The following SETD4 variants were observed in gnomAD, a reference collection of about 807,000 sequenced individuals.
SETD4 encodes SET domain-containing protein 4.
A neutral mutation model predicts 58.3 loss-of-function variants in SETD4; 46 were observed. That is an observed-to-expected ratio of 0.79 (90% CI 0.62 to 1.01). SETD4 has a LOEUF of 1.01. SETD4 is among the 50% of genes least tolerant of loss of function. SETD4 has a pLI of 0.00. For synonymous variants in SETD4, 190 were observed against 202.6 expected (o/e 0.94, Z 0.53); for missense variants, 490 against 523.3 (o/e 0.94, Z 0.62).
chr21:36,054,805 T>C (rs2123751960), intron 3 of SETD4, among the ~76,000 whole-genome samples: 1 of 142,370 alleles, frequency 7.0e-6, no homozygotes, highest in African/African-American at 2.6e-5. Context: ...ATGGTGGGAA[T>C]TCCTGCCTCA....
rs1189758469 is a variant in SETD4 at position 36,057,210 on chromosome 21, A to G, written c.74-6T>C. ...AGACTTGTGGCTCTCATTCACTATC[A>G]GGCAAGGAGAGAACAAATGGTGATT... On this transcript the variant is annotated splice_region_variant and splice_polypyrimidine_tract_variant and intron_variant, in intron 2 of 11. Coordinates refer to ENST00000332131, the MANE Select transcript of SETD4 (RefSeq NM_017438.5). The G allele has an allele frequency of 6.2e-7, 1 of 1,606,208 alleles. No homozygotes were observed. Among genetic ancestry groups the G allele is most frequent in the African/African-American group, 1.3e-5 (1 of 74,784 alleles).
chr21:36,035,778 T>C lies in SETD4; in HGVS notation c.*215A>G, dbSNP rs1458311212. The C allele has an allele frequency of 3.4e-6, 1 of 295,112 alleles. No homozygotes were observed. The highest frequency in any genetic ancestry group is 6.4e-6 in the Non-Finnish European group (1 of 155,680). 18.3% of individuals were successfully genotyped at this position (295,112 alleles called of 1,614,324 possible). ...TCCTGGCTGCCTCACAGTCCGCCTC[T>C]CTCCTCACAGTTCAGCACTTTATTC... On this transcript the variant is annotated 3_prime_UTR_variant, in exon 12 of 12. Coordinates refer to ENST00000332131, the MANE Select transcript of SETD4 (RefSeq NM_017438.5).
chr21:36,040,461 C>G, intron 9 of SETD4, 114 bp downstream of exon 9: 1 of 792,568 alleles, frequency 1.3e-6, no homozygotes, highest in Non-Finnish European at 2.2e-6. Flanking sequence ...GTATGACATC[C>G]CTTTTTCCTC....
intron 2 of SETD4, among the ~76,000 whole-genome samples, chr21:36,058,574 C>T (rs1337322211): frequency 1.3e-5 from 2 of 151,894 alleles, no homozygotes; most frequent in South Asian, 2.1e-4. Context: ...TGTGTTAGGC[C>T]GAGCATGCTG....
In SETD4 at chr21:36,041,855, T is replaced by G. The variant is rs2064079146; in HGVS notation, c.935A>C (p.Lys312Thr). The G allele has an allele frequency of 1.3e-6, 2 of 1,485,394 alleles. No homozygotes were observed. The highest frequency in any genetic ancestry group is 2.4e-5 in the East Asian group (1 of 41,838). The allele number at this position is 1,485,394 out of a possible 1,614,324, so 92.0% of individuals were successfully genotyped here. ...ILVKYLPSTDKQMDKKISILK... is the reference protein window; with the variant it reads ...ILVKYLPSTDTQMDKKISILK... ...AATAGAAATCTTTTTGTCCATCTGT[T>G]TATCTGTTGATGGAAGATATTTAAC... The change falls in exon 8 of 12, where the codon AAA (lysine) becomes ACA (threonine). Residue 312 changes from lysine (K) to threonine (T), a missense_variant. Physicochemically the swap from Lys to Thr is moderately conservative, Grantham distance 78. Coordinates refer to ENST00000332131, the MANE Select transcript of SETD4 (RefSeq NM_017438.5).
intron 3 of SETD4, among the ~76,000 whole-genome samples, chr21:36,055,479 T>C (rs2064943507): frequency 6.6e-6 from 1 of 152,156 alleles, no homozygotes. Context: ...TGAAAGGAAA[T>C]GCTGCGGTCA....
intron 1 of SETD4, chr21:36,059,949 C>T (rs2065206595): frequency 5.1e-6 from 5 of 985,366 alleles, no homozygotes; most frequent in African/African-American, 1.7e-5. Flanking sequence ...GCGAGCTGTC[C>T]ACCATCACCC....
intron 5 of SETD4, 48 bp downstream of exon 5, chr21:36,048,260 C>G (rs2064450959): frequency 1.3e-6 from 2 of 1,503,806 alleles, no homozygotes; most frequent in Non-Finnish European, 9.3e-7. Flanking sequence ...ATTGACAGAC[C>G]TTAAGGAGAA....
At chr21:36,050,703 C>A in intron 4 of SETD4, 1 of 1,610,316 alleles carries the variant, frequency 6.2e-7, no homozygotes, top group South Asian at 1.1e-5. Flanking sequence ...TACGCGGGGT[C>A]ATAGAGGTAA....
chr21:36,038,268 C>T lies in SETD4; in HGVS notation c.1070G>A (p.Cys357Tyr). 6.2e-7 allele frequency: 1 copy of T among 1,610,296 alleles called. No homozygotes were observed. The highest frequency in any genetic ancestry group is 8.5e-7 in the Non-Finnish European group (1 of 1,179,086). Residue 357 changes from cysteine to tyrosine, a missense_variant, in exon 10 of 12, where the codon TGC becomes TAC. Transcript: ENST00000332131. ...LLCLEAEKFT[C>Y]WKKVLLGEVI... ...CTCCCCAAGAAGTACTTTTTTCCAG[C>T]ATGTACTAGAACCAAAATGTTCCAT...
In SETD4 at chr21:36,041,896, C is replaced by CA. The variant is rs11404455; in HGVS notation, c.902-9dup. 0.38 allele frequency: 439,364 copies of CA among 1,166,312 alleles called. 38,262 individuals carry two copies. The highest frequency in any genetic ancestry group is 0.42 in the Admixed American group (14,348 of 33,904). 72.2% of individuals were successfully genotyped at this position (1,166,312 alleles called of 1,614,324 possible). A position where few individuals can be genotyped will look rare whatever the true frequency, so the allele number is the denominator to read the frequency against. On this transcript the variant is annotated splice_polypyrimidine_tract_variant and intron_variant, in intron 7 of 11. Coordinates refer to ENST00000332131, the MANE Select transcript of SETD4 (RefSeq NM_017438.5). ...GATATTTAACAAGTATTTCTATATT[C>CA]AAAAAAAAAAATCAGACTGTTAGGG...
At chr21:36,059,619 C>T (rs559329774) in intron 1 of SETD4, 2 of 517,888 alleles carry the variant, frequency 3.9e-6, no homozygotes, top group Non-Finnish European at 5.0e-6. Flanking sequence ...TCTCAGGAGG[C>T]GGAAGCTGCA....
At chr21:36,043,474 G>A (rs2064162588) in intron 7 of SETD4, 9 of 1,106,586 alleles carry the variant, frequency 8.1e-6, no homozygotes, top group Admixed American at 9.5e-5. Context: ...CAGTGACAAC[G>A]TCTCAGTATA....
intron 3 of SETD4, among the ~76,000 whole-genome samples, chr21:36,056,446 T>C (rs1158749139): frequency 7.2e-5 from 11 of 152,204 alleles, no homozygotes; most frequent in Non-Finnish European, 1.0e-4. Context: ...GTCCTCCCTG[T>C]GGTTATCTCT....
intron 6 of SETD4, among the ~76,000 whole-genome samples, chr21:36,044,898 G>C (rs2064235672): frequency 6.6e-6 from 1 of 152,150 alleles, no homozygotes; most frequent in Admixed American, 6.5e-5. Flanking sequence ...TCCAAGCCAG[G>C]CCTCTACCCC....
rs1340889449 is a variant in SETD4, at chr21:36,045,716, G to C, written c.592C>G (p.Leu198Val). 6.2e-7 allele frequency: 1 copy of C among 1,614,218 alleles called. No individual in the cohort carries two copies. The highest frequency in any genetic ancestry group is 1.7e-5 in the Admixed American group (1 of 60,030). ...VDSIFSYSAL[L>V]WAWCTVNTRA... The stretch of plus-strand genomic sequence containing the variant: ...GTGTTGACGGTGCACCAAGCCCACA[G>C]CAGGGCACTGTAGCTGAAGATGCTG... Residue 198 changes from leucine (L) to valine (V), a missense_variant, in exon 6 of 12, where the codon CTG (leucine) becomes GTG (valine). Transcript: ENST00000332131.
intron 4 of SETD4, among the ~76,000 whole-genome samples, chr21:36,049,619 T>C (rs2064539049): frequency 6.6e-6 from 1 of 152,334 alleles, no homozygotes; most frequent in African/African-American, 2.4e-5. Flanking sequence ...TCCTCATCTG[T>C]AAAGCAAGAT....
chr21:36,059,777 C>A, intron 1 of SETD4: 1 of 985,412 alleles, frequency 1.0e-6, no homozygotes, highest in Non-Finnish European at 1.2e-6. Context: ...GAACTCCAGG[C>A]AATATTAATA....
chr21:36,035,925 G>A lies in SETD4; in HGVS notation c.*68C>T, dbSNP rs1191492081. 2 of 693,176 alleles carry A rather than the reference G, an allele frequency of 2.9e-6. No individual in the cohort carries two copies. The highest frequency in any genetic ancestry group is 2.8e-5 in the East Asian group (1 of 35,400). The allele number at this position is 693,176 out of a possible 1,614,324, so 42.9% of individuals were successfully genotyped here. A position where few individuals can be genotyped will look rare whatever the true frequency, so the allele number is the denominator to read the frequency against. On this transcript the variant is annotated 3_prime_UTR_variant, in exon 12 of 12. Transcript: ENST00000332131. ...TGTCCTGGGGGCAGCCACCACCCCA[G>A]CCCATGATGATGCTCTTCAAAATTA...
Sources: allele counts gnomAD v4.1 joint callset (sites outside exome capture counted in the v4.1 genomes callset), GRCh38; gene constraint gnomAD v4.1.1; transcripts MANE v1.5; gene names NCBI Gene and HGNC (gene_info 2026-07-23, HGNC 2026-07-21).